Variants in ZBTB7C observed in about 807,000 individuals in gnomAD.
ZBTB7C encodes the protein zinc finger and BTB domain containing 7C.
In ZBTB7C, 8 loss-of-function variants were observed where a neutral mutation model predicts 25.7. The ratio of observed to expected loss-of-function variants is 0.31; its 90% CI spans 0.18 to 0.56. The LOEUF (loss-of-function observed/expected upper bound fraction) is 0.56. Among genes scored for constraint, ZBTB7C ranks in the 20% least tolerant of loss-of-function variants. ZBTB7C has a pLI of 0.91. For synonymous variants in ZBTB7C, 394 were observed against 369.0 expected (o/e 1.07, Z -0.78); for missense variants, 824 against 855.2 (o/e 0.96, Z 0.46).
At chr18:48,384,617 G>A (rs940922112) in intron 1 of ZBTB7C, among the ~76,000 whole-genome samples, 2 of 152,138 alleles carry the variant, frequency 1.3e-5, no homozygotes, top group African/African-American at 2.4e-5. Context: ...TTCTTAAAAC[G>A]TGATTTTATT....
intron 1 of ZBTB7C, among the ~76,000 whole-genome samples, chr18:48,359,550 C>T (rs892371572): frequency 1.3e-5 from 2 of 152,152 alleles, no homozygotes; most frequent in Admixed American, 6.5e-5. Flanking sequence ...ATGAGTTTGA[C>T]AGCTGCTGGA....
At chr18:48,271,588 T>C (rs1006209013) in intron 2 of ZBTB7C, among the ~76,000 whole-genome samples, 78 of 148,590 alleles carry the variant, frequency 5.2e-4, no homozygotes, top group African/African-American at 1.9e-3. Flanking sequence ...TTATATTTAT[T>C]TAATATATGT....
chr18:48,077,140 A>C (rs1367712376), intron 3 of ZBTB7C: 1 of 358,522 alleles, frequency 2.8e-6, no homozygotes, highest in Non-Finnish European at 3.9e-6. Context: ...CTCTTTAAAA[A>C]TCAGAAAATC....
chr18:48,315,943 C>T (rs1051891966), intron 2 of ZBTB7C, among the ~76,000 whole-genome samples: 2 of 152,090 alleles, frequency 1.3e-5, no homozygotes, highest in African/African-American at 2.4e-5. Context: ...GCCCAGCCCC[C>T]GTAAGAAAGG....
At chr18:48,222,269 C>T (rs142525740) in intron 2 of ZBTB7C, among the ~76,000 whole-genome samples, 155 of 152,280 alleles carry the variant, frequency 1.0e-3, no homozygotes, top group African/African-American at 3.4e-3. Flanking sequence ...CCGGATACTG[C>T]GAAAGCTGCC....
intron 2 of ZBTB7C, among the ~76,000 whole-genome samples, chr18:48,195,435 C>G (rs778533647): frequency 4.7e-4 from 72 of 152,160 alleles, no homozygotes; most frequent in Non-Finnish European, 8.1e-4. Flanking sequence ...AAGGGGAGTT[C>G]CCCTGCACAT....
intron 3 of ZBTB7C, among the ~76,000 whole-genome samples, chr18:48,091,238 A>ATTTTTTTTTTTTTTTTTTTTTTTTTTTTT (rs35051690): frequency 1.5e-5 from 1 of 64,674 alleles, no homozygotes; most frequent in Non-Finnish European, 2.7e-5. Flanking sequence ...TGCCCGGATA[A>ATTTTTTTTTTTTTTTTTTTTTTTTTTTTT]TTTTTTTTTT....
At chr18:48,289,296 G>T (rs1475629232) in intron 2 of ZBTB7C, among the ~76,000 whole-genome samples, 1 of 152,124 alleles carries the variant, frequency 6.6e-6, no homozygotes, top group Non-Finnish European at 1.5e-5. Context: ...TGCTCCAGGA[G>T]ACAAGTTCAA....
intron 2 of ZBTB7C, among the ~76,000 whole-genome samples, chr18:48,291,884 G>A (rs2045239942): frequency 6.6e-6 from 1 of 152,108 alleles, no homozygotes; most frequent in African/African-American, 2.4e-5. Context: ...GACTCCAATA[G>A]GGGACTCAGC....
intron 3 of ZBTB7C, among the ~76,000 whole-genome samples, chr18:48,120,663 T>A (rs2039598003): frequency 1.3e-5 from 2 of 152,124 alleles, no homozygotes; most frequent in Non-Finnish European, 2.9e-5. Flanking sequence ...GTGTAGGAAC[T>A]AGTGCTAGCA....
At chr18:48,260,501 T>C (rs892848544) in intron 2 of ZBTB7C, among the ~76,000 whole-genome samples, 10 of 152,204 alleles carry the variant, frequency 6.6e-5, no homozygotes, top group Non-Finnish European at 1.2e-4. Flanking sequence ...TTTACTGTAA[T>C]TCAGTTATAT....
In ZBTB7C at chr18:48,084,157, C is replaced by T. The variant is rs192622349; in HGVS notation, c.-16-43034G>A. On this transcript the variant is annotated intron_variant, in intron 3 of 4. Transcript: ENST00000590800. Reference sequence around the variant, plus strand: ...GAAGCAGTGGGGCACGTCTCCTAGCCCCGGAGCAACTAAGGAGAGAATGAA... The same window carrying T: ...GAAGCAGTGGGGCACGTCTCCTAGCTCCGGAGCAACTAAGGAGAGAATGAA... 5.0e-3 allele frequency among the ~76,000 whole-genome samples: 754 copies of T among 152,252 alleles called. 19 individuals are homozygous for T. Among genetic ancestry groups the T allele is most frequent in the Admixed American group, 0.046 (702 of 15,292 alleles).
intron 2 of ZBTB7C, among the ~76,000 whole-genome samples, chr18:48,224,670 C>A (rs1365307667): frequency 6.6e-6 from 1 of 152,176 alleles, no homozygotes; most frequent in East Asian, 1.9e-4. Context: ...CCAACACTAC[C>A]ACTTACTAGC....
chr18:48,186,166 T>A (rs1190912022), intron 2 of ZBTB7C, among the ~76,000 whole-genome samples, 171 bp from the exon 3 acceptor site: 1 of 152,178 alleles, frequency 6.6e-6, no homozygotes, highest in Non-Finnish European at 1.5e-5. Context: ...CCCTCGCTCC[T>A]CGCAGGATTC....
chr18:48,357,757 A>G (rs1379720977), intron 1 of ZBTB7C, among the ~76,000 whole-genome samples: 2 of 152,210 alleles, frequency 1.3e-5, no homozygotes, highest in Admixed American at 1.3e-4. Flanking sequence ...GAGACAACAA[A>G]AGTGGATTTC....
Position 48,358,590 on chromosome 18 carries a change from G to A in ZBTB7C, c.-303-20192C>T, listed in dbSNP as rs577125432. Reference sequence around the variant, plus strand: ...TATTTCTTTATAGCAACGCAAAAACGGCCTAACACAGCAGCACAACTCTTG... The same window carrying A: ...TATTTCTTTATAGCAACGCAAAAACAGCCTAACACAGCAGCACAACTCTTG... On this transcript the variant is annotated intron_variant, in intron 1 of 4. Transcript: ENST00000590800. Among the ~76,000 whole-genome samples, 11 of 152,186 alleles carry A rather than the reference G, an allele frequency of 7.2e-5. No homozygotes were observed. In the South Asian group the frequency reaches 2.1e-3, roughly 29 times the overall value.
At chr18:48,162,130 G>A (rs1369348818) in intron 3 of ZBTB7C, among the ~76,000 whole-genome samples, 1 of 147,782 alleles carries the variant, frequency 6.8e-6, no homozygotes, top group African/African-American at 2.4e-5. Flanking sequence ...GCAGGGCTTC[G>A]TGCCAGACCC....
chr18:48,035,022 T>A (rs2035914295), intron 4 of ZBTB7C, among the ~76,000 whole-genome samples: 1 of 152,216 alleles, frequency 6.6e-6, no homozygotes, highest in Non-Finnish European at 1.5e-5. Context: ...CTACCACTGC[T>A]AATGCCATTA....
intron 1 of ZBTB7C, among the ~76,000 whole-genome samples, chr18:48,380,525 T>A (rs1481497783): frequency 6.6e-6 from 1 of 152,152 alleles, no homozygotes; most frequent in Non-Finnish European, 1.5e-5. Context: ...CATACATATG[T>A]ACAGTGGTTA....
Sources: gnomAD v4.1 joint callset for allele counts (sites outside exome capture counted in the v4.1 genomes callset) on GRCh38, gnomAD v4.1.1 for gene constraint, MANE v1.5 for transcripts, NCBI Gene and HGNC (gene_info 2026-07-23, HGNC 2026-07-21) for gene names.